ACIN1: variants seen among roughly 807,000 people sequenced by gnomAD.
ACIN1 encodes the protein apoptotic chromatin condensation inducer in the nucleus.
ACIN1 carries 16 observed loss-of-function variants against 146.6 expected under a neutral mutation model. That is an observed-to-expected ratio of 0.11 (90% confidence interval 0.07 to 0.17). The LOEUF (loss-of-function observed/expected upper bound fraction) is 0.17. Among genes scored for constraint, ACIN1 ranks in the 10% least tolerant of loss-of-function variants. The pLI is 1.00. For missense variants in ACIN1, 1,357 were observed against 1,609.3 expected (o/e 0.84, Z 2.68); for synonymous variants, 569 against 582.7 (o/e 0.98, Z 0.34).
intron 10 of ACIN1, among the ~76,000 whole-genome samples, chr14:23,065,080 G>GA (rs1176696591): frequency 6.6e-6 from 1 of 152,140 alleles, no homozygotes; most frequent in Non-Finnish European, 1.5e-5. Flanking sequence ...AAATGCAGAA[G>GA]AAACAAGAAC....
At chr14:23,062,372 G>A (rs1418717625) in intron 15 of ACIN1, 44 bp downstream of exon 15, 2 of 1,609,498 alleles carry the variant, frequency 1.2e-6, no homozygotes, top group Non-Finnish European at 1.7e-6. Flanking sequence ...GGTCACAAAA[G>A]GAAATATATG....
At chr14:23,075,157 A>G (rs2047766064) in intron 8 of ACIN1, among the ~76,000 whole-genome samples, 1 of 152,122 alleles carries the variant, frequency 6.6e-6, no homozygotes, top group African/African-American at 2.4e-5. Context: ...TTCCTCCTAC[A>G]CAGGCAGAAG....
chr14:23,079,435 A>T, intron 6 of ACIN1, 112 bp downstream of exon 6: 1 of 1,501,632 alleles, frequency 6.7e-7, no homozygotes, highest in Non-Finnish European at 9.0e-7. Flanking sequence ...AGGAGAGTAA[A>T]GGAGGCTTTT....
Position 23,094,993 on chromosome 14 carries a change from C to G in ACIN1, c.120G>C (p.Leu40=), listed in dbSNP as rs1161570955. Residue 40 remains leucine, a synonymous_variant, in exon 1 of 19, where the codon CTG becomes CTC. Transcript: ENST00000605057. The part of the protein sequence containing the change: ...GLAKSGQKSA[L]VKRLKGALML... ...TCCTCACCCCTTTGAGCCGCTTGAC[C>G]AGGGCACTCTTCTGCCCGCTCTTGG... 1.4e-5 allele frequency: 22 copies of G among 1,605,616 alleles called. No homozygotes were observed. The highest frequency in any genetic ancestry group is 1.9e-5 in the Non-Finnish European group (22 of 1,179,378).
Position 23,068,462 on chromosome 14 carries a change from C to T in ACIN1, c.2265+1014G>A, listed in dbSNP as rs1265761923. The T allele has an allele frequency of 2.0e-6, 2 of 985,738 alleles. No individual in the cohort carries two copies. The highest frequency in any genetic ancestry group is 2.4e-6 in the Non-Finnish European group (2 of 829,964). 61.1% of individuals were successfully genotyped at this position (985,738 alleles called of 1,614,324 possible). On this transcript the variant is annotated intron_variant, in intron 9 of 18. Coordinates refer to ENST00000605057, the MANE Select transcript of ACIN1 (RefSeq NM_001386863.1). The surrounding 1 kb of genome is among the most constrained non-coding windows in gnomAD (Gnocchi z 4.3). ...TCTCCAGAACAGTGTTCTTCTTGGC[C>T]CCCTGATGTAAGCAAGACAGGGAGG...
chr14:23,078,352 G>T (rs1455083979), intron 7 of ACIN1, 86 bp from the exon 8 acceptor site: 2 of 1,159,720 alleles, frequency 1.7e-6, no homozygotes, highest in East Asian at 2.4e-5. Flanking sequence ...GAAAAAGGCA[G>T]GGCAGGACAT....
At chr14:23,070,724 G>A (rs891813341) in intron 8 of ACIN1, among the ~76,000 whole-genome samples, 2 of 152,032 alleles carry the variant, frequency 1.3e-5, no homozygotes. Flanking sequence ...CTCCCAGGCC[G>A]ATAACCACCA....
intron 8 of ACIN1, among the ~76,000 whole-genome samples, chr14:23,073,454 C>T (rs375571646): frequency 1.5e-4 from 23 of 151,998 alleles, no homozygotes; most frequent in Non-Finnish European, 2.4e-4. Flanking sequence ...CTGAGGTGGG[C>T]GGATCACCAG....
chr14:23,059,042 G>A lies in ACIN1; in HGVS notation c.*106C>T. 9.2e-7 allele frequency: 1 copy of A among 1,085,306 alleles called. No individual in the cohort carries two copies. Among genetic ancestry groups the A allele is most frequent in the Non-Finnish European group, 1.4e-6 (1 of 738,556 alleles). 67.2% of individuals were successfully genotyped at this position (1,085,306 alleles called of 1,614,324 possible). A position where few individuals can be genotyped will look rare whatever the true frequency, so the allele number is the denominator to read the frequency against. ...TGGTATGTATGTAGGGATAGGTGAT[G>A]TGAAAGACCCTTGGCTCCAGGGTGG... On this transcript the variant is annotated 3_prime_UTR_variant, in exon 19 of 19. Coordinates refer to ENST00000605057, the MANE Select transcript of ACIN1 (RefSeq NM_001386863.1).
chr14:23,063,496 G>A lies in ACIN1; in HGVS notation c.2677C>T (p.Pro893Ser), dbSNP rs1456311701. Residue 893 changes from proline (P) to serine (S), a missense_variant, in exon 13 of 19, where the codon CCT becomes TCT. Pro to Ser is a moderately conservative substitution (Grantham distance 74, BLOSUM62 -1). Coordinates refer to ENST00000605057, the MANE Select transcript of ACIN1 (RefSeq NM_001386863.1). ...EKEPEAEPPVPPQVSVEVALP... is the reference protein window; with the variant it reads ...EKEPEAEPPVSPQVSVEVALP... The stretch of plus-strand genomic sequence containing the variant: ...GCCACCTCTACTGACACCTGGGGAG[G>A]TACAGGAGGTTCTGCTTCAGGTTCC... 1.2e-6 allele frequency: 2 copies of A among 1,614,162 alleles called. No homozygotes were observed. The highest frequency in any genetic ancestry group is 8.5e-7 in the Non-Finnish European group (1 of 1,180,022).
intron 13 of ACIN1, 142 bp from the exon 14 acceptor site, chr14:23,063,216 A>G (rs1206485068): frequency 8.7e-6 from 10 of 1,154,740 alleles, no homozygotes; most frequent in Non-Finnish European, 1.2e-5. Context: ...TATAATCTGC[A>G]AAGTACTGTG....
At chr14:23,092,557 C>T (rs1310527504) in intron 2 of ACIN1, among the ~76,000 whole-genome samples, 1 of 152,180 alleles carries the variant, frequency 6.6e-6, no homozygotes, top group Non-Finnish European at 1.5e-5. Flanking sequence ...GAGGAGGGCT[C>T]TCTTGTTTTC....
At chr14:23,071,302 CAG>C (rs1162135100) in intron 8 of ACIN1, 2 of 1,504,820 alleles carry the variant, frequency 1.3e-6, no homozygotes, top group African/African-American at 2.8e-5. Flanking sequence ...CCACCCGATC[CAG>C]AGAGAGAAAA....
At chr14:23,094,383 T>C (rs2048312003) in intron 1 of ACIN1, 1 of 721,372 alleles carries the variant, frequency 1.4e-6, no homozygotes, top group Non-Finnish European at 1.7e-6. Context: ...CTCGCCTCTC[T>C]CACCAATATT....
rs1485733828 is a variant in ACIN1, at chr14:23,061,445, G to A, written c.3277C>T (p.Arg1093Trp). 3.7e-6 allele frequency: 6 copies of A among 1,607,886 alleles called. No homozygotes were observed. The highest frequency in any genetic ancestry group is 5.1e-6 in the Non-Finnish European group (6 of 1,179,328). Residue 1093 changes from arginine (R) to tryptophan (W), a missense_variant, in exon 17 of 19, where the codon CGG (arginine) becomes TGG (tryptophan). Physicochemically the swap from Arg to Trp is moderately radical, Grantham distance 101. Coordinates refer to ENST00000605057, the MANE Select transcript of ACIN1 (RefSeq NM_001386863.1). Reference sequence around the variant, plus strand: ...GTCCGCTCCCGCCGCTCCATTTCCCGTTCCCGTTCTGCCCACTGTTCCCGC... The same window carrying A: ...GTCCGCTCCCGCCGCTCCATTTCCCATTCCCGTTCTGCCCACTGTTCCCGC... ...AVREQWAERE[R>W]EMERRERTRS...
At chr14:23,073,541 C>T (rs538689205) in intron 8 of ACIN1, among the ~76,000 whole-genome samples, 127 of 152,228 alleles carry the variant, frequency 8.3e-4, no homozygotes, top group Non-Finnish European at 1.2e-3. Context: ...GCCTGTAATC[C>T]CAGCTACTCG....
chr14:23,079,793 C>T lies in ACIN1; in HGVS notation c.1542G>A (p.Gln514=). The change falls in exon 6 of 19, where the codon CAG becomes CAA. Residue 514 remains glutamine, a synonymous_variant. Transcript: ENST00000605057. Reference sequence around the variant, plus strand: ...ACCGGCTAGAGGATGAATCAGCTGACTGTTTCAATCTGTGGCTTGGGAGAA... The same window carrying T: ...ACCGGCTAGAGGATGAATCAGCTGATTGTTTCAATCTGTGGCTTGGGAGAA... ...HTLLPSHRLK[Q]SADSSSSRSS... 1.9e-6 allele frequency: 3 copies of T among 1,614,192 alleles called. No homozygotes were observed. The highest frequency in any genetic ancestry group is 2.5e-6 in the Non-Finnish European group (3 of 1,180,040).
chr14:23,059,496 A>G (rs200032517), intron 18 of ACIN1, 22 bp from the exon 19 acceptor site: 9 of 1,600,622 alleles, frequency 5.6e-6, no homozygotes, highest in South Asian at 1.1e-5. Context: ...TAGGAAAGGC[A>G]GAGAATAGGC....
At chr14:23,076,165 C>A (rs1466779224) in intron 8 of ACIN1, among the ~76,000 whole-genome samples, 1 of 152,178 alleles carries the variant, frequency 6.6e-6, no homozygotes, top group Non-Finnish European at 1.5e-5. Context: ...TGTATGCAAC[C>A]TTCTCAAAGA....
Sources: allele counts gnomAD v4.1 joint callset (sites outside exome capture counted in the v4.1 genomes callset), GRCh38; gene constraint gnomAD v4.1.1; non-coding constraint Gnocchi (gnomAD v3.1); transcripts MANE v1.5; gene names NCBI Gene and HGNC (gene_info 2026-07-23, HGNC 2026-07-21).